KANK1: variants seen among roughly 807,000 people sequenced by gnomAD.
KANK1 encodes KN motif and ankyrin repeat domains 1.
A neutral mutation model predicts 106.2 loss-of-function variants in KANK1; 109 were observed. The observed-to-expected ratio is 1.03, with a 90% CI of 0.88 to 1.20. The LOEUF (loss-of-function observed/expected upper bound fraction) is 1.20, where lower values mean the gene tolerates loss of function less well. Ranked by LOEUF, KANK1 falls within the 50% of genes most tolerant of loss-of-function variation. The pLI is 0.00. For missense variants in KANK1, 2,399 were observed against 1,710.7 expected (o/e 1.40, Z -7.10); for synonymous variants, 873 against 652.2 (o/e 1.34, Z -5.16).
chr9:639,753 A>G lies in KANK1; in HGVS notation c.-83-37137A>G, dbSNP rs577117300. ...ACAGACTGTGTAATTTATAAGCAGC[A>G]TAAATTTATTGCTCACAGTTCTGAA... On this transcript the variant is annotated intron_variant, in intron 1 of 11. Coordinates refer to ENST00000382297, the MANE Select transcript of KANK1 (RefSeq NM_015158.5). Among the ~76,000 whole-genome samples the G allele has an allele frequency of 2.0e-4, 31 of 152,314 alleles. No individual in the cohort carries two copies. In the South Asian group the frequency reaches 3.5e-3, roughly 17 times the overall value.
intron 1 of KANK1, among the ~76,000 whole-genome samples, chr9:562,803 A>C (rs1816838208): frequency 6.6e-6 from 1 of 152,234 alleles, no homozygotes; most frequent in Admixed American, 6.5e-5. Flanking sequence ...TCATCACGGC[A>C]GAAGTTGGGT....
At chr9:722,313 TTCTC>T (rs34533149) in intron 3 of KANK1, among the ~76,000 whole-genome samples, 8 of 150,134 alleles carry the variant, frequency 5.3e-5, no homozygotes, top group African/African-American at 1.5e-4. Flanking sequence ...TAAGTGTTCA[TTCTC>T]TCTCTCTCTC....
At chr9:605,516 C>A (rs1828883466) in intron 1 of KANK1, among the ~76,000 whole-genome samples, 1 of 151,662 alleles carries the variant, frequency 6.6e-6, no homozygotes, top group African/African-American at 2.4e-5. Flanking sequence ...AGTCCTCCTG[C>A]TGTAGACAGA....
chr9:659,141 A>G (rs1842772725), intron 1 of KANK1, among the ~76,000 whole-genome samples: 1 of 152,232 alleles, frequency 6.6e-6, no homozygotes, highest in Non-Finnish European at 1.5e-5. Flanking sequence ...AGTGCCCAGC[A>G]CTGTGCCTAT....
intron 1 of KANK1, among the ~76,000 whole-genome samples, chr9:518,482 C>T (rs547057715): frequency 1.3e-5 from 2 of 151,590 alleles, no homozygotes; most frequent in Admixed American, 6.6e-5. Context: ...GGATCTGATT[C>T]GATGTAGGGG....
intron 1 of KANK1, among the ~76,000 whole-genome samples, chr9:657,659 G>A (rs1842446214): frequency 6.6e-6 from 1 of 151,888 alleles, no homozygotes; most frequent in African/African-American, 2.4e-5. Context: ...TTCAGTCTCT[G>A]GTTACAGCTT....
intron 1 of KANK1, among the ~76,000 whole-genome samples, chr9:548,384 T>A (rs1447088282): frequency 6.6e-6 from 1 of 152,210 alleles, no homozygotes; most frequent in African/African-American, 2.4e-5. Context: ...GGGGGGTTCC[T>A]GAGCTTTTTA....
At chr9:619,626 A>G (rs527594092) in intron 1 of KANK1, among the ~76,000 whole-genome samples, 6 of 152,272 alleles carry the variant, frequency 3.9e-5, no homozygotes, top group South Asian at 4.1e-4. Flanking sequence ...GATCCACAAG[A>G]AAGTTTACCT....
chr9:494,485 G>T (rs578009757), intron 3 of KANK1, among the ~76,000 whole-genome samples: 1 of 152,204 alleles, frequency 6.6e-6, no homozygotes, highest in Non-Finnish European at 1.5e-5. Context: ...TTTGGTCTGT[G>T]TGATGATAGA....
chr9:552,314 G>A (rs1183490352), intron 1 of KANK1, among the ~76,000 whole-genome samples: 1 of 152,140 alleles, frequency 6.6e-6, no homozygotes, highest in Non-Finnish European at 1.5e-5. Flanking sequence ...AGACCAATTA[G>A]GAGGTTCCAA....
At position 745,174 on chromosome 9, in the gene KANK1, G is replaced by A; in HGVS notation, c.3998G>A (p.Gly1333Asp). ...HVNFAKAQSP[G>D]TPRLGRKTSP... Reference sequence around the variant, plus strand: ...TTTTTTTCCTTTCCTGGTCTCTAGGGCACCCCTAGGCTTGGAAGGAAGACG... The same window carrying A: ...TTTTTTTCCTTTCCTGGTCTCTAGGACACCCCTAGGCTTGGAAGGAAGACG... The change falls in exon 12 of 12, where the codon GGC becomes GAC. Residue 1333 changes from glycine (G) to aspartate (D), a missense_variant and splice_region_variant. Coordinates refer to ENST00000382297, the MANE Select transcript of KANK1 (RefSeq NM_015158.5). 1.2e-6 allele frequency: 2 copies of A among 1,613,792 alleles called. No homozygotes were observed. The highest frequency in any genetic ancestry group is 1.1e-5 in the South Asian group (1 of 91,022).
In KANK1 at chr9:504,779, C is replaced by CGCGCTGCGCCCCGTGCCGCGCT. The variant is rs146273779; in HGVS notation, c.-84+29_-84+30insTGCGCCCCGTGCCGCGCTGCGC. The CGCGCTGCGCCCCGTGCCGCGCT allele has an allele frequency of 8.5e-5, 12 of 140,920 alleles. No homozygotes were observed. In the East Asian group the frequency reaches 1.5e-3, roughly 18 times the overall value. The allele number at this position is 140,920 out of a possible 1,614,324, so 8.7% of individuals were successfully genotyped here. On this transcript the variant is annotated intron_variant, in intron 1 of 11. Coordinates refer to ENST00000382297, the MANE Select transcript of KANK1 (RefSeq NM_015158.5). ...GGTGAGTGACGCGGCGGGGCCGTGC[C>CGCGCTGCGCCCCGTGCCGCGCT]GCGCCCCGTGCCGCGGCGAGGTTGT...
chr9:633,394 G>C (rs140656733), intron 1 of KANK1, among the ~76,000 whole-genome samples: 38,131 of 151,820 alleles, frequency 0.25, 4,809 homozygotes, highest in East Asian at 0.32. Context: ...GGAGGCGGAG[G>C]TTGCAGTGAG....
chr9:514,649 C>T (rs2059201618), intron 1 of KANK1, among the ~76,000 whole-genome samples: 1 of 151,622 alleles, frequency 6.6e-6, no homozygotes, highest in African/African-American at 2.4e-5. Flanking sequence ...ATGCTCATTG[C>T]TGTATAGTGT....
chr9:662,066 C>T (rs1186652964), intron 1 of KANK1, among the ~76,000 whole-genome samples: 1 of 152,058 alleles, frequency 6.6e-6, no homozygotes, highest in Admixed American at 6.6e-5. Context: ...TGAGTGAACT[C>T]CCATTCACAA....
upstream of KANK1, among the ~76,000 whole-genome samples, chr9:500,624 A>G (rs913775404): frequency 9.2e-5 from 14 of 152,260 alleles, no homozygotes; most frequent in South Asian, 2.1e-4. Context: ...GCAGTGTGGA[A>G]GGAAATTTAA....
At chr9:490,433 C>T (rs1443405926) in intron 3 of KANK1, among the ~76,000 whole-genome samples, 1 of 152,156 alleles carries the variant, frequency 6.6e-6, no homozygotes, top group Non-Finnish European at 1.5e-5. Flanking sequence ...TGCTTAAGCC[C>T]AGGAGGTTGA....
chr9:720,542 A>AG (rs774860529), intron 3 of KANK1, among the ~76,000 whole-genome samples: 11 of 152,100 alleles, frequency 7.2e-5, no homozygotes, highest in Non-Finnish European at 8.8e-5. Context: ...TTTGTTAGAG[A>AG]GGGGGGTCTC....
intron 1 of KANK1, among the ~76,000 whole-genome samples, chr9:573,122 A>G (rs1563791230): frequency 6.6e-6 from 1 of 152,186 alleles, no homozygotes; most frequent in Non-Finnish European, 1.5e-5. Flanking sequence ...CAGTCAGTCA[A>G]GTGCTGCGTG....
Sources: gnomAD v4.1 joint callset for allele counts (sites outside exome capture counted in the v4.1 genomes callset) on GRCh38, gnomAD v4.1.1 for gene constraint, MANE v1.5 for transcripts, NCBI Gene and HGNC (gene_info 2026-07-23, HGNC 2026-07-21) for gene names.